The following TRIM2 variants were observed in gnomAD, a reference collection of about 807,000 sequenced individuals.
TRIM2 encodes the protein tripartite motif-containing protein 2.
TRIM2 carries 20 observed loss-of-function variants against 75.2 expected under a neutral mutation model. The observed-to-expected ratio is 0.27, with a 90% confidence interval of 0.19 to 0.39. The LOEUF (loss-of-function observed/expected upper bound fraction) is 0.39, where lower values mean the gene tolerates loss of function less well. Ranked by LOEUF, TRIM2 falls within the 10% of genes least tolerant of loss-of-function variation. TRIM2 has a pLI of 1.00. For synonymous variants in TRIM2, 373 were observed against 388.3 expected, an observed-to-expected ratio of 0.96 and a Z score of 0.46; for missense variants, 660 against 990.8, an observed-to-expected ratio of 0.67 and a Z score of 4.48.
At chr4:153,184,332 T>C (rs1406947457) in intron 1 of TRIM2, among the ~76,000 whole-genome samples, 1 of 152,174 alleles carries the variant, frequency 6.6e-6, no homozygotes, top group African/African-American at 2.4e-5. Flanking sequence ...TGGCCTTTCC[T>C]TGATGTGCAC....
rs544616993 is a variant in TRIM2, at chr4:153,241,088, CA to C, written c.31-29244del. Among the ~76,000 whole-genome samples the C allele has an allele frequency of 2.6e-5, 4 of 152,194 alleles. No individual in the cohort carries two copies. In the East Asian group the frequency reaches 7.7e-4, roughly 29 times the overall value. ...CGAGACTCCCTCTCAGAAAAACAAA[CA>C]AACAAAAAAACCTTTTCCTGTAGAG... is the stretch of plus-strand genomic sequence containing the variant. On this transcript the variant is annotated intron_variant, in intron 1 of 11. Coordinates refer to ENST00000338700, the MANE Select transcript of TRIM2 (RefSeq NM_015271.5).
rs561216853 is a variant in TRIM2 at position 153,230,826 on chromosome 4, A to G, written c.30+26266A>G. ...ACCAGCTCACTTGGTTCAAGCCTAT[A>G]ATTTCATCAACATAGCAGGTAACTA... On this transcript the variant is annotated intron_variant, in intron 1 of 11. Coordinates refer to ENST00000338700, the MANE Select transcript of TRIM2 (RefSeq NM_015271.5). 1.1e-4 allele frequency among the ~76,000 whole-genome samples: 17 copies of G among 152,320 alleles called. No homozygotes were observed. The East Asian group carries it at 3.3e-3, about 29-fold the overall frequency.
In TRIM2 at chr4:153,221,436, CAAACAA is replaced by C. The variant is rs374215385; in HGVS notation, c.30+16880_30+16885del. On this transcript the variant is annotated intron_variant, in intron 1 of 11. Coordinates refer to ENST00000338700, the MANE Select transcript of TRIM2 (RefSeq NM_015271.5). ...GAACGAGACCCTGTCTCAAAACAAA[CAAACAA>C]AAAAACCAAACAAATGCAGCCTCCT... Among the ~76,000 whole-genome samples, 768 of 152,146 alleles carry C rather than the reference CAAACAA, an allele frequency of 5.0e-3. 5 individuals are homozygous for C. The highest frequency in any genetic ancestry group is 0.017 in the African/African-American group (725 of 41,454).
intron 1 of TRIM2, among the ~76,000 whole-genome samples, chr4:153,258,104 A>ATTTGCAG (rs1752519166): frequency 6.6e-6 from 1 of 151,946 alleles, no homozygotes; most frequent in South Asian, 2.1e-4. Flanking sequence ...GAAATATTTG[A>ATTTGCAG]TTTGCAGGAT....
chr4:153,285,760 C>CGTGT (rs34272004), intron 3 of TRIM2, among the ~76,000 whole-genome samples: 8 of 150,260 alleles, frequency 5.3e-5, no homozygotes, highest in South Asian at 2.1e-4. Flanking sequence ...AATGTGTGTG[C>CGTGT]GTGTGTGTGT....
rs192167350 is a variant in TRIM2, at chr4:153,301,106, A to G, written c.1510+5070A>G. On this transcript the variant is annotated intron_variant, in intron 6 of 11. Transcript: ENST00000338700. Reference sequence around the variant, plus strand: ...CTCGGGAGGCTGAGGCAGGAGAATCACTTGAACCCAGGAGGCAGAGGCTGC... The same window carrying G: ...CTCGGGAGGCTGAGGCAGGAGAATCGCTTGAACCCAGGAGGCAGAGGCTGC... Among the ~76,000 whole-genome samples the G allele has an allele frequency of 6.7e-3, 1,022 of 151,642 alleles. 13 individuals are homozygous for G. The highest frequency in any genetic ancestry group is 0.023 in the African/African-American group (964 of 41,306).
chr4:153,276,779 C>G (rs1199041104), intron 3 of TRIM2, among the ~76,000 whole-genome samples: 1 of 152,192 alleles, frequency 6.6e-6, no homozygotes, highest in Non-Finnish European at 1.5e-5. Context: ...AAATCCTGCT[C>G]TTAAACTTAT....
intron 6 of TRIM2, among the ~76,000 whole-genome samples, chr4:153,297,683 C>T (rs1763037846): frequency 6.6e-6 from 1 of 152,160 alleles, no homozygotes; most frequent in South Asian, 2.1e-4. Flanking sequence ...CCCCAGTCTA[C>T]TCCCCTAGGC....
At chr4:153,323,831 G>A (rs964597913) in intron 9 of TRIM2, among the ~76,000 whole-genome samples, 1 of 152,048 alleles carries the variant, frequency 6.6e-6, no homozygotes, top group African/African-American at 2.4e-5. Context: ...ACTTCATTAG[G>A]GCTGCTAGAA....
intron 1 of TRIM2, among the ~76,000 whole-genome samples, chr4:153,237,940 C>G (rs917124478): frequency 6.6e-6 from 1 of 152,134 alleles, no homozygotes; most frequent in Non-Finnish European, 1.5e-5. Flanking sequence ...CATTTGAAAG[C>G]TTCTGTGGGA....
chr4:153,262,161 A>G (rs912403648), intron 1 of TRIM2, among the ~76,000 whole-genome samples: 1 of 152,252 alleles, frequency 6.6e-6, no homozygotes, highest in Non-Finnish European at 1.5e-5. Flanking sequence ...GCACAGATAC[A>G]GCCGATTTAC....
intron 1 of TRIM2, chr4:153,153,381 G>C (rs1055661156): frequency 2.0e-5 from 3 of 151,634 alleles, no homozygotes; most frequent in African/African-American, 7.3e-5. Context: ...CGCGTGCGGC[G>C]GGGCTGCGGG....
At chr4:153,203,950 T>C (rs1227556434), upstream of TRIM2, among the ~76,000 whole-genome samples, 1 of 152,192 alleles carries the variant, frequency 6.6e-6, no homozygotes, top group African/African-American at 2.4e-5. Context: ...AACAAGTGTT[T>C]GCTCTGTAGA....
At chr4:153,334,546 A>G (rs572807251) in intron 11 of TRIM2, among the ~76,000 whole-genome samples, 180 of 152,184 alleles carry the variant, frequency 1.2e-3, no homozygotes, top group African/African-American at 4.2e-3. Context: ...TGTTTTAAAT[A>G]TAAAAGCATA....
At chr4:153,267,750 CTTCT>C (rs1293329100) in intron 1 of TRIM2, among the ~76,000 whole-genome samples, 3 of 150,058 alleles carry the variant, frequency 2.0e-5, no homozygotes, top group Non-Finnish European at 4.5e-5. Flanking sequence ...TCCTTCCTTC[CTTCT>C]CTCTCTTTCT....
rs1387633360 is a variant in TRIM2, at chr4:153,308,364, G to A, written c.1511-7121G>A. 6 of 1,102,772 alleles carry A rather than the reference G, an allele frequency of 5.4e-6. No homozygotes were observed. In the Admixed American group the frequency reaches 8.5e-5, roughly 16 times the overall value. The allele number at this position is 1,102,772 out of a possible 1,614,324, so 68.3% of individuals were successfully genotyped here. On this transcript the variant is annotated intron_variant, in intron 6 of 11. Coordinates refer to ENST00000338700, the MANE Select transcript of TRIM2 (RefSeq NM_015271.5). ...TTCCTGCAGCTCTTGGTTGGTTCTT[G>A]AGCAGATGATCTCAATGAGGGAGTC...
At position 153,324,092 on chromosome 4, in the gene TRIM2, G is replaced by T. The variant is rs1769602766; in HGVS notation, c.1966G>T (p.Ala656Ser). Reference sequence around the variant, plus strand: ...CTTTATTGCAGGTCCCCATTTTGCAGCTGTAAATAGCAATAATGAGATTAT... The same window carrying T: ...CTTTATTGCAGGTCCCCATTTTGCATCTGTAAATAGCAATAATGAGATTAT... ...DRQFAGPHFA[A>S]VNSNNEIIIT... is the part of the protein sequence containing the mutation. The change falls in exon 10 of 12, where the codon GCT becomes TCT. Residue 656 changes from alanine (A) to serine (S), a missense_variant. Ala to Ser is a moderately conservative substitution (Grantham distance 99, BLOSUM62 1). This residue lies in a region of TRIM2 where 620 missense variants were observed against 891.0 expected (regional missense o/e 0.70). Transcript: ENST00000338700. 3.7e-6 allele frequency: 6 copies of T among 1,612,280 alleles called. No individual in the cohort carries two copies. The highest frequency in any genetic ancestry group is 4.2e-6 in the Non-Finnish European group (5 of 1,179,408).
intron 1 of TRIM2, among the ~76,000 whole-genome samples, chr4:153,254,956 C>T (rs1311412186): frequency 6.6e-6 from 1 of 152,190 alleles, no homozygotes; most frequent in East Asian, 1.9e-4. Context: ...AGGTATTACT[C>T]GCTGGTCCCA....
At chr4:153,200,019 G>A (rs1462733062), upstream of TRIM2, among the ~76,000 whole-genome samples, 1 of 145,486 alleles carries the variant, frequency 6.9e-6, no homozygotes, top group Non-Finnish European at 1.5e-5. Context: ...TTGGCTCACT[G>A]TAATCTCCGC....
Sources: gnomAD v4.1 joint callset for allele counts (sites outside exome capture counted in the v4.1 genomes callset) on GRCh38, gnomAD v4.1.1 for gene constraint, gnomAD v4.1.1 regional missense constraint, MANE v1.5 for transcripts, NCBI Gene and HGNC (gene_info 2026-07-23, HGNC 2026-07-21) for gene names.